The following SLC9A8 variants were observed in gnomAD, a reference collection of about 807,000 sequenced individuals.
SLC9A8 encodes the protein sodium/hydrogen exchanger 8.
In SLC9A8, 48 loss-of-function variants were observed where a neutral mutation model predicts 66.6. The observed-to-expected ratio is 0.72, with a 90% CI of 0.57 to 0.92. SLC9A8 has a LOEUF of 0.92. Among genes scored for constraint, SLC9A8 ranks in the 40% least tolerant of loss-of-function variants. The pLI is 0.00. For missense variants in SLC9A8, 599 were observed against 747.3 expected, an observed-to-expected ratio of 0.80 and a Z score of 2.31; for synonymous variants, 274 against 282.6, an observed-to-expected ratio of 0.97 and a Z score of 0.31.
rs1486259216 is a variant in SLC9A8, at chr20:49,883,877, C to T, written c.1302C>T (p.Ser434=). The T allele has an allele frequency of 1.2e-6, 2 of 1,608,664 alleles. No individual in the cohort carries two copies. The highest frequency in any genetic ancestry group is 2.7e-5 in the African/African-American group (2 of 74,882). ...GGGGAGCCATCCCCTATGCCCTGAG[C>T]CTACACCTGGACCTGGAGCCCATGG... ...GLRGAIPYAL[S]LHLDLEPMEK... Residue 434 remains serine, a synonymous_variant, in exon 14 of 16, where the codon AGC becomes AGT. Coordinates refer to ENST00000361573, the MANE Select transcript of SLC9A8 (RefSeq NM_015266.3).
At chr20:49,843,505 G>C (rs562329071) in intron 4 of SLC9A8, among the ~76,000 whole-genome samples, 40 of 152,218 alleles carry the variant, frequency 2.6e-4, no homozygotes, top group African/African-American at 9.6e-4. Context: ...CAAAAAATCA[G>C]ACTGTCAAAA....
At chr20:49,870,266 TACA>T in intron 10 of SLC9A8, among the ~76,000 whole-genome samples, 1 of 152,258 alleles carries the variant, frequency 6.6e-6, no homozygotes, top group South Asian at 2.1e-4. Context: ...AGCAAACCCA[TACA>T]ACAATTCCAG....
intron 10 of SLC9A8, among the ~76,000 whole-genome samples, chr20:49,873,236 C>T (rs2089281004): frequency 6.6e-6 from 1 of 152,172 alleles, no homozygotes; most frequent in Non-Finnish European, 1.5e-5. Context: ...AATCCCAGCA[C>T]TTTGGGAGGC....
chr20:49,838,103 A>G (rs746115046), intron 3 of SLC9A8, among the ~76,000 whole-genome samples: 6 of 152,174 alleles, frequency 3.9e-5, no homozygotes, highest in Non-Finnish European at 7.3e-5. Flanking sequence ...GTTGAGTTAA[A>G]TATATGTAAG....
Position 49,883,946 on chromosome 20 carries a change from C to T in SLC9A8, c.1371C>T (p.Leu457=), listed in dbSNP as rs756534105. The part of the protein sequence containing the change: ...LIGTTTIVIV[L]FTILLLGGST... ...GCACCACCACCATCGTCATCGTGCT[C>T]TTCACCATCCTGCTGCTGGGCGGCA... The change falls in exon 14 of 16, where the codon CTC becomes CTT. Residue 457 remains leucine, a synonymous_variant. Coordinates refer to ENST00000361573, the MANE Select transcript of SLC9A8 (RefSeq NM_015266.3). 2 of 1,613,080 alleles carry T rather than the reference C, an allele frequency of 1.2e-6. No homozygotes were observed. The highest frequency in any genetic ancestry group is 8.5e-7 in the Non-Finnish European group (1 of 1,179,998).
chr20:49,881,949 G>T (rs1394935631), intron 13 of SLC9A8, among the ~76,000 whole-genome samples: 1 of 152,124 alleles, frequency 6.6e-6, no homozygotes, highest in East Asian at 1.9e-4. Flanking sequence ...TATGGGGAAG[G>T]TTGGAGTGTA....
At chr20:49,820,629 C>T (rs943830177) in intron 2 of SLC9A8, among the ~76,000 whole-genome samples, 1 of 152,080 alleles carries the variant, frequency 6.6e-6, no homozygotes, top group Non-Finnish European at 1.5e-5. Flanking sequence ...TCACTGCAAC[C>T]TCTACCTCCT....
intron 5 of SLC9A8, among the ~76,000 whole-genome samples, chr20:49,846,276 A>G (rs947949587): frequency 6.6e-6 from 1 of 152,174 alleles, no homozygotes; most frequent in African/African-American, 2.4e-5. Context: ...GATTCAACTT[A>G]AAATACTAGT....
intron 1 of SLC9A8, among the ~76,000 whole-genome samples, chr20:49,814,024 C>T (rs964583719): frequency 2.0e-5 from 3 of 152,152 alleles, no homozygotes; most frequent in African/African-American, 4.8e-5. Context: ...TAAGGAACCC[C>T]TTCATTGATA....
At chr20:49,853,954 C>T (rs996546683) in intron 7 of SLC9A8, among the ~76,000 whole-genome samples, 1 of 152,228 alleles carries the variant, frequency 6.6e-6, no homozygotes, top group African/African-American at 2.4e-5. Context: ...TCAGTCAGCT[C>T]TCCTCTCCCT....
chr20:49,868,071 G>A (rs1239427709), intron 10 of SLC9A8, among the ~76,000 whole-genome samples: 2 of 152,190 alleles, frequency 1.3e-5, no homozygotes, highest in Non-Finnish European at 2.9e-5. Context: ...AACGTTACCT[G>A]TGAGTCATTC....
chr20:49,855,644 A>G, intron 8 of SLC9A8, 63 bp downstream of exon 8: 1 of 1,500,688 alleles, frequency 6.7e-7, no homozygotes, highest in Non-Finnish European at 9.1e-7. Flanking sequence ...CTTGTAACAA[A>G]GGGGCAGATA....
intron 4 of SLC9A8, among the ~76,000 whole-genome samples, chr20:49,842,079 G>T (rs1351966499): frequency 1.3e-5 from 2 of 149,656 alleles, no homozygotes; most frequent in Non-Finnish European, 3.0e-5. Flanking sequence ...TTTTGCTGGG[G>T]AGTGGTGGGG....
rs6095693 is a variant in SLC9A8, at chr20:49,856,275, G to A, written c.713+694G>A. Among the ~76,000 whole-genome samples the A allele has an allele frequency of 3.7e-3, 567 of 152,274 alleles. 4 individuals are homozygous for A. The highest frequency in any genetic ancestry group is 0.013 in the African/African-American group (522 of 41,552). ...TAAGTTCCCCAGATATGATGAAGCG[G>A]CCTGTTCAGGGGTCAGTGTTTGGGC... On this transcript the variant is annotated intron_variant, in intron 8 of 15. Transcript: ENST00000361573.
chr20:49,837,112 A>G (rs1568818656), intron 3 of SLC9A8, among the ~76,000 whole-genome samples: 1 of 152,226 alleles, frequency 6.6e-6, no homozygotes, highest in Non-Finnish European at 1.5e-5. Context: ...TCCTTTGGAA[A>G]GGCTAATCAG....
rs375149170 is a variant in SLC9A8 at position 49,884,084 on chromosome 20, G to C, written c.1491+18G>C. The C allele has an allele frequency of 1.1e-3, 1,778 of 1,608,858 alleles. 6 individuals carry two copies. Among genetic ancestry groups the C allele is most frequent in the Non-Finnish European group, 1.2e-3 (1,468 of 1,176,216 alleles). On this transcript the variant is annotated intron_variant, in intron 14 of 15. Coordinates refer to ENST00000361573, the MANE Select transcript of SLC9A8 (RefSeq NM_015266.3). Reference sequence around the variant, plus strand: ...AGAAGATGGTTAGTACCATGCGCCTGTGGGGGTGGGGCAGGGGGCTGGCCT... The same window carrying C: ...AGAAGATGGTTAGTACCATGCGCCTCTGGGGGTGGGGCAGGGGGCTGGCCT...
At chr20:49,850,446 A>G (rs1296376654) in intron 6 of SLC9A8, among the ~76,000 whole-genome samples, 2 of 152,204 alleles carry the variant, frequency 1.3e-5, no homozygotes, top group Non-Finnish European at 2.9e-5. Flanking sequence ...TCTTCTCTCA[A>G]TAGCCAAAGC....
At chr20:49,884,972 T>C (rs934208501) in intron 14 of SLC9A8, among the ~76,000 whole-genome samples, 3 of 152,234 alleles carry the variant, frequency 2.0e-5, no homozygotes, top group African/African-American at 7.2e-5. Flanking sequence ...TCAGTAACTT[T>C]AATCAGTCAT....
chr20:49,873,771 C>CAAAAAAAAAA (rs35613935), intron 10 of SLC9A8, among the ~76,000 whole-genome samples: 2 of 60,228 alleles, frequency 3.3e-5, no homozygotes, highest in Non-Finnish European at 6.1e-5. Flanking sequence ...AACTCCGTCT[C>CAAAAAAAAAA]AAAAAAAAAA....
Sources: allele counts gnomAD v4.1 joint callset (sites outside exome capture counted in the v4.1 genomes callset), GRCh38; gene constraint gnomAD v4.1.1; transcripts MANE v1.5; gene names NCBI Gene and HGNC (gene_info 2026-07-23, HGNC 2026-07-21).